Variants in MFGE8 observed in about 807,000 individuals in gnomAD.
MFGE8 encodes the protein milk fat globule EGF and factor V/VIII domain containing.
In MFGE8, 34 loss-of-function variants were observed where a neutral mutation model predicts 42.6. The ratio of observed to expected loss-of-function variants is 0.80; its 90% CI spans 0.61 to 1.06. MFGE8 has a LOEUF of 1.06. Among genes scored for constraint, MFGE8 ranks in the 50% least tolerant of loss-of-function variants. The pLI, the probability that MFGE8 is intolerant of heterozygous loss-of-function variation, is 0.00. For missense variants in MFGE8, 510 were observed against 516.9 expected (o/e 0.99, Z 0.13); for synonymous variants, 230 against 214.8 (o/e 1.07, Z -0.62).
In MFGE8 at chr15:88,899,857, G is replaced by T. The variant is rs1178904162; in HGVS notation, c.871-46C>A. 18 of 1,611,392 alleles carry T rather than the reference G, an allele frequency of 1.1e-5. No individual in the cohort carries two copies. The highest frequency in any genetic ancestry group is 1.5e-5 in the Non-Finnish European group (18 of 1,178,122). ...ATTTTCTCTGCTTGGACCATCTCCA[G>T]TAAGGTGAAAAGAGGCAGACACACT... On this transcript the variant is annotated intron_variant, in intron 6 of 7. Coordinates refer to ENST00000268150, the MANE Select transcript of MFGE8 (RefSeq NM_005928.4). This position sits in a 1 kb window ranked among gnomAD's most constrained non-coding sequence, Gnocchi z 6.8.
Position 88,905,968 on chromosome 15 carries a change from T to C in MFGE8, c.541-67A>G. On this transcript the variant is annotated intron_variant, in intron 4 of 7. Transcript: ENST00000268150. The surrounding 1 kb of genome is among the most constrained non-coding windows in gnomAD (Gnocchi z 6.6). ...AGCAGTCCCCCTCCCTGGGGTTACC[T>C]CATCTTCCTCTTCAGACCTGGGAGG... The C allele has an allele frequency of 6.3e-7, 1 of 1,585,264 alleles. No homozygotes were observed. The highest frequency in any genetic ancestry group is 8.7e-7 in the Non-Finnish European group (1 of 1,154,784).
rs1001454496 is a variant in MFGE8, at chr15:88,902,004, G to C, written c.686-269C>G. 3.2e-5 allele frequency: 15 copies of C among 470,806 alleles called. No individual in the cohort carries two copies. The highest frequency in any genetic ancestry group is 2.6e-4 in the African/African-American group (13 of 50,642). The allele number at this position is 470,806 out of a possible 1,614,324, so 29.2% of individuals were successfully genotyped here. A position where few individuals can be genotyped will look rare whatever the true frequency, so the allele number is the denominator to read the frequency against. ...CTCACCACCCTTCTCCTCTGCACCA[G>C]GGAAGGCCCCTGCTCCACCACCTCC... On this transcript the variant is annotated intron_variant, in intron 5 of 7. Coordinates refer to ENST00000268150, the MANE Select transcript of MFGE8 (RefSeq NM_005928.4). The surrounding 1 kb of genome is among the most constrained non-coding windows in gnomAD (Gnocchi z 4.3).
At chr15:88,908,892 GC>G (rs1040076070) in intron 2 of MFGE8, among the ~76,000 whole-genome samples, 7 of 152,106 alleles carry the variant, frequency 4.6e-5, no homozygotes, top group African/African-American at 1.7e-4. Flanking sequence ...GCTGGCTCAA[GC>G]CCCCCGCCCC....
Position 88,906,829 on chromosome 15 carries a change from C to T in MFGE8, c.388-51G>A, listed in dbSNP as rs1162061557. 6.2e-7 allele frequency: 1 copy of T among 1,609,418 alleles called. No homozygotes were observed. Among genetic ancestry groups the T allele is most frequent in the Non-Finnish European group, 8.5e-7 (1 of 1,177,814 alleles). ...ACCCTTATCTCCTGGGTTCTTTCCA[C>T]TCAAGATCCAAGCAGACCCATCCCT... is the stretch of plus-strand genomic sequence containing the variant. On this transcript the variant is annotated intron_variant, in intron 3 of 7. Coordinates refer to ENST00000268150, the MANE Select transcript of MFGE8 (RefSeq NM_005928.4). This position sits in a 1 kb window ranked among gnomAD's most constrained non-coding sequence, Gnocchi z 4.2.
intron 6 of MFGE8, among the ~76,000 whole-genome samples, chr15:88,901,007 A>ACACACACACATC (rs1392171890): frequency 6.9e-6 from 1 of 145,760 alleles, no homozygotes; most frequent in Non-Finnish European, 1.5e-5. Context: ...ACACATTCAC[A>ACACACACACATC]CACACACACA....
At chr15:88,912,565 G>C in intron 1 of MFGE8, 1 of 985,378 alleles carries the variant, frequency 1.0e-6, no homozygotes, top group Non-Finnish European at 1.2e-6. Flanking sequence ...GGCCCAGCTG[G>C]CCTCCGGAGG....
chr15:88,912,751 C>T (rs1899026364), intron 1 of MFGE8: 1 of 985,326 alleles, frequency 1.0e-6, no homozygotes, highest in Admixed American at 6.1e-5. Flanking sequence ...CTCCCCGGCC[C>T]TTCCCTTATG....
In MFGE8 at chr15:88,901,655, C is replaced by A. The variant is rs1898439604; in HGVS notation, c.766G>T (p.Gly256Cys). 1.2e-6 allele frequency: 2 copies of A among 1,613,878 alleles called. No homozygotes were observed. Among genetic ancestry groups the A allele is most frequent in the Non-Finnish European group, 1.7e-6 (2 of 1,180,000 alleles). ...GGGTTCCAGCTGAAGAGATGCAAGC[C>A]CCAGGTCTTGTAGCTGCTGGAGGCC... Reference protein sequence around the residue: ...ITASSSYKTWGLHLFSWNPSY... With the variant: ...ITASSSYKTWCLHLFSWNPSY... The change falls in exon 6 of 8, where the codon GGC becomes TGC. Residue 256 changes from glycine to cysteine, a missense_variant. Transcript: ENST00000268150.
At position 88,909,785 on chromosome 15, in the gene MFGE8, T is replaced by A. The variant is rs1321793183; in HGVS notation, c.205+7A>T. 3 of 1,613,782 alleles carry A rather than the reference T, an allele frequency of 1.9e-6. No homozygotes were observed. Among genetic ancestry groups the A allele is most frequent in the Non-Finnish European group, 2.5e-6 (3 of 1,179,866 alleles). On this transcript the variant is annotated splice_region_variant and intron_variant, in intron 2 of 7. Transcript: ENST00000268150. The stretch of plus-strand genomic sequence containing the variant: ...GAAACAGGCAACAAGCACCCCCACA[T>A]ACTCACTCGTCTCACAGTGGTTGCC...
chr15:88,905,195 G>C lies in MFGE8; in HGVS notation c.685+562C>G, dbSNP rs1898611313. Among the ~76,000 whole-genome samples the C allele has an allele frequency of 6.6e-6, 1 of 152,214 alleles. No homozygotes were observed. Among genetic ancestry groups the C allele is most frequent in the African/African-American group, 2.4e-5 (1 of 41,458 alleles). ...GTTTCTCTGGAGTGCAGACTCTTAA[G>C]AGTTTGGCAGGGAAAGCTCTGGATG... On this transcript the variant is annotated intron_variant, in intron 5 of 7. Coordinates refer to ENST00000268150, the MANE Select transcript of MFGE8 (RefSeq NM_005928.4). The surrounding 1 kb of genome is among the most constrained non-coding windows in gnomAD (Gnocchi z 6.6).
In MFGE8 at chr15:88,903,501, T is replaced by G. The variant is rs1898525836; in HGVS notation, c.686-1766A>C. ...TTTTTTGTTTTTTTGTTTGTTTGTT[T>G]GAGACACAGTCTCGCTCTGTCACCC... is the stretch of plus-strand genomic sequence containing the variant. On this transcript the variant is annotated intron_variant, in intron 5 of 7. Coordinates refer to ENST00000268150, the MANE Select transcript of MFGE8 (RefSeq NM_005928.4). The surrounding 1 kb of genome is among the most constrained non-coding windows in gnomAD (Gnocchi z 4.9). 1 of 152,154 alleles carries G rather than the reference T, an allele frequency of 6.6e-6. No individual in the cohort carries two copies. The highest frequency in any genetic ancestry group is 2.4e-5 in the African/African-American group (1 of 41,434). The allele number at this position is 152,154 out of a possible 1,614,324, so 9.4% of individuals were successfully genotyped here. A position where few individuals can be genotyped will look rare whatever the true frequency, so the allele number is the denominator to read the frequency against.
At chr15:88,912,395 A>T (rs1899006796) in intron 1 of MFGE8, 1 of 985,062 alleles carries the variant, frequency 1.0e-6, no homozygotes, top group African/African-American at 1.7e-5. Flanking sequence ...GGCAGATCAC[A>T]GGACATAGGG....
chr15:88,912,764 A>G, intron 1 of MFGE8: 5 of 985,288 alleles, frequency 5.1e-6, no homozygotes, highest in Non-Finnish European at 6.0e-6. Context: ...CCCTTATGTG[A>G]CCAGGCACGG....
rs769451384 is a variant in MFGE8 at position 88,907,338 on chromosome 15, C to T, written c.244G>A (p.Ala82Thr). 3 of 1,614,188 alleles carry T rather than the reference C, an allele frequency of 1.9e-6. No homozygotes were observed. In the African/African-American group the frequency reaches 4.0e-5, roughly 22 times the overall value. ...EPLGLENGNI[A>T]NSQIAASSVR... is the part of the protein sequence containing the mutation. ...GACGAGGCGGCGATCTGTGAGTTGG[C>T]AATGTTCCCATTCTCCAGGCCCAGT... The change falls in exon 3 of 8, where the codon GCC becomes ACC. Residue 82 changes from alanine (A) to threonine (T), a missense_variant. Physicochemically the swap from Ala to Thr is moderately conservative, Grantham distance 58 (BLOSUM62 0). Transcript: ENST00000268150.
In MFGE8 at chr15:88,905,615, G is replaced by A. The variant is rs755285926; in HGVS notation, c.685+142C>T. 2 of 1,124,088 alleles carry A rather than the reference G, an allele frequency of 1.8e-6. No homozygotes were observed. Among genetic ancestry groups the A allele is most frequent in the African/African-American group, 1.5e-5 (1 of 65,418 alleles). 69.6% of individuals were successfully genotyped at this position (1,124,088 alleles called of 1,614,324 possible). On this transcript the variant is annotated intron_variant, in intron 5 of 7. Coordinates refer to ENST00000268150, the MANE Select transcript of MFGE8 (RefSeq NM_005928.4). The surrounding 1 kb of genome is among the most constrained non-coding windows in gnomAD (Gnocchi z 6.6). Reference sequence around the variant, plus strand: ...TGCTATGGCCAGGTGACCCCCTAGAGTGCGTTGCCCGAGTGAAGCCTGGTC... The same window carrying A: ...TGCTATGGCCAGGTGACCCCCTAGAATGCGTTGCCCGAGTGAAGCCTGGTC...
rs750901371 is a variant in MFGE8, at chr15:88,913,285, C to T, written c.35G>A (p.Gly12Asp). Residue 12 changes from glycine (G) to aspartate (D), a missense_variant, in exon 1 of 8, where the codon GGC becomes GAC. Gly to Asp is a moderately conservative substitution (Grantham distance 94). Transcript: ENST00000268150. ...PRPRLLAALC[G>D]ALLCAPSLLV... ...GAGGCTGGGGGCGCAGAGCAGCGCG[C>T]CGCACAGCGCGGCCAGCAGGCGGGG... is the stretch of plus-strand genomic sequence containing the variant. 4 of 1,483,350 alleles carry T rather than the reference C, an allele frequency of 2.7e-6. No homozygotes were observed. Among genetic ancestry groups the T allele is most frequent in the South Asian group, 2.6e-5 (2 of 77,908 alleles). 91.9% of individuals were successfully genotyped at this position (1,483,350 alleles called of 1,614,324 possible). A position where few individuals can be genotyped will look rare whatever the true frequency, so the allele number is the denominator to read the frequency against.
At chr15:88,900,462 C>A (rs901890356) in intron 6 of MFGE8, among the ~76,000 whole-genome samples, 2 of 152,166 alleles carry the variant, frequency 1.3e-5, no homozygotes, top group African/African-American at 4.8e-5. Context: ...AGGCTCCCTG[C>A]GGCGCCGCCC....
chr15:88,900,732 C>T (rs923397370), intron 6 of MFGE8: 3 of 985,436 alleles, frequency 3.0e-6, no homozygotes, highest in African/African-American at 3.5e-5. Flanking sequence ...AAACAAGCTC[C>T]GGTTTTCCAT....
At chr15:88,910,869 C>T (rs1393036370) in intron 1 of MFGE8, 1 of 152,048 alleles carries the variant, frequency 6.6e-6, no homozygotes, top group Non-Finnish European at 1.5e-5. Context: ...CCTTCCTTCA[C>T]CCTCCTCACC....
Sources: gnomAD v4.1 joint callset for allele counts (sites outside exome capture counted in the v4.1 genomes callset) on GRCh38, gnomAD v4.1.1 for gene constraint, Gnocchi (gnomAD v3.1) non-coding constraint, MANE v1.5 for transcripts, NCBI Gene and HGNC (gene_info 2026-07-23, HGNC 2026-07-21) for gene names.